Variants in ZMYND8 observed in about 807,000 individuals in gnomAD.
ZMYND8 encodes the protein MYND-type zinc finger-containing chromatin reader ZMYND8.
In ZMYND8, 37 loss-of-function variants were observed where a neutral mutation model predicts 140.8. That is an observed-to-expected ratio of 0.26 (90% confidence interval 0.20 to 0.35). The LOEUF (loss-of-function observed/expected upper bound fraction) is 0.35, where lower values mean the gene tolerates loss of function less well. Among genes scored for constraint, ZMYND8 ranks in the 10% least tolerant of loss-of-function variants. The pLI is 1.00. For missense variants in ZMYND8, 1,068 were observed against 1,570.0 expected (o/e 0.68, Z 5.40); for synonymous variants, 592 against 597.1 (o/e 0.99, Z 0.12).
intron 3 of ZMYND8, among the ~76,000 whole-genome samples, chr20:47,305,924 A>G (rs1290770705): frequency 6.6e-6 from 1 of 152,216 alleles, no homozygotes; most frequent in Non-Finnish European, 1.5e-5. Flanking sequence ...CATATACTAC[A>G]GGACATCCAT....
At chr20:47,243,968 G>C (rs998020767) in intron 14 of ZMYND8, among the ~76,000 whole-genome samples, 13 of 152,188 alleles carry the variant, frequency 8.5e-5, no homozygotes, top group African/African-American at 2.4e-4. Flanking sequence ...GGTCGGGATG[G>C]TTTGATGGCC....
At chr20:47,273,206 G>C (rs554998805) in intron 11 of ZMYND8, among the ~76,000 whole-genome samples, 1 of 152,148 alleles carries the variant, frequency 6.6e-6, no homozygotes, top group African/African-American at 2.4e-5. Flanking sequence ...GCGAAGAAAG[G>C]TATTTTAACA....
chr20:47,325,542 T>C (rs989287326), intron 2 of ZMYND8, among the ~76,000 whole-genome samples: 3 of 152,144 alleles, frequency 2.0e-5, no homozygotes, highest in African/African-American at 7.2e-5. Context: ...AATGGGAGCC[T>C]GGTCACGTCG....
At chr20:47,281,521 C>T (rs569164604) in intron 10 of ZMYND8, among the ~76,000 whole-genome samples, 2 of 152,184 alleles carry the variant, frequency 1.3e-5, no homozygotes, top group Non-Finnish European at 2.9e-5. Context: ...CTCTGCTCTA[C>T]AGGGAACTGC....
At chr20:47,348,282 G>A in intron 1 of ZMYND8, 1 of 309,994 alleles carries the variant, frequency 3.2e-6, no homozygotes, top group South Asian at 3.0e-5. Context: ...AGGGTTCAAA[G>A]GCAGGGAGGT....
chr20:47,240,727 T>C (rs1291380001), intron 14 of ZMYND8, among the ~76,000 whole-genome samples: 1 of 151,032 alleles, frequency 6.6e-6, no homozygotes, highest in Non-Finnish European at 1.5e-5. Flanking sequence ...GCTAATTTTT[T>C]TTATTTTCAG....
rs533383989 is a variant in ZMYND8, at chr20:47,308,663, T to C, written c.234+1393A>G. 5.3e-5 allele frequency among the ~76,000 whole-genome samples: 8 copies of C among 152,330 alleles called. No individual in the cohort carries two copies. In the East Asian group the frequency reaches 9.6e-4, roughly 18 times the overall value. On this transcript the variant is annotated intron_variant, in intron 3 of 22. Transcript: ENST00000471951. ...CTCAATGTTCACAACCCTGTGAAAT[T>C]TGTGGTAGTATCATTATCCCCATTT...
Position 47,310,117 on chromosome 20 carries a change from G to A in ZMYND8, c.173C>T (p.Ser58Leu). The A allele has an allele frequency of 1.9e-6, 3 of 1,614,160 alleles. No homozygotes were observed. The highest frequency in any genetic ancestry group is 2.5e-6 in the Non-Finnish European group (3 of 1,180,046). ...CTTTTTCTTTTTAATGGGGCTTGTTGATGTGTCCTGCGGCGAGTGGCCATT... is the reference window on the plus strand; with the variant it reads ...CTTTTTCTTTTTAATGGGGCTTGTTAATGTGTCCTGCGGCGAGTGGCCATT... The part of the protein sequence containing the change: ...SSNGHSPQDT[S>L]TSPIKKKKKP... Residue 58 changes from serine to leucine, a missense_variant, in exon 3 of 23, where the codon TCA becomes TTA. Physicochemically the swap from Ser to Leu is moderately radical, Grantham distance 145. Coordinates refer to ENST00000471951, the MANE Select transcript of ZMYND8 (RefSeq NM_001281775.3).
intron 3 of ZMYND8, among the ~76,000 whole-genome samples, chr20:47,304,104 A>G (rs1405293282): frequency 6.6e-6 from 1 of 152,170 alleles, no homozygotes; most frequent in Admixed American, 6.5e-5. Flanking sequence ...TCTCCCCTAC[A>G]TGTATAATGT....
rs536000142 is a variant in ZMYND8 at position 47,224,996 on chromosome 20, A to AC, written c.3017-441dup. On this transcript the variant is annotated intron_variant, in intron 18 of 22. Transcript: ENST00000471951. The stretch of plus-strand genomic sequence containing the variant: ...AACTTTATAAATATTAACTCATATA[A>AC]CCCTCATCCTAATAATCCTACGGGG... Among the ~76,000 whole-genome samples the AC allele has an allele frequency of 2.6e-5, 4 of 152,276 alleles. No individual in the cohort carries two copies. The South Asian group carries it at 8.3e-4, about 32-fold the overall frequency.
At chr20:47,297,986 C>T (rs1333061324) in intron 4 of ZMYND8, among the ~76,000 whole-genome samples, 1 of 152,182 alleles carries the variant, frequency 6.6e-6, no homozygotes, top group Admixed American at 6.5e-5. Context: ...CAAATGGCTG[C>T]ATGGCTCACT....
chr20:47,345,593 C>T (rs543409905), intron 2 of ZMYND8, among the ~76,000 whole-genome samples: 1 of 151,728 alleles, frequency 6.6e-6, no homozygotes, highest in Admixed American at 6.6e-5. Context: ...CTGCAACCTC[C>T]GCCTCCTGGG....
chr20:47,240,936 T>C (rs1366234389), intron 14 of ZMYND8, among the ~76,000 whole-genome samples: 4 of 152,144 alleles, frequency 2.6e-5, no homozygotes, highest in Admixed American at 6.5e-5. Flanking sequence ...GCCTCCCGAA[T>C]AGCTGGGACT....
intron 7 of ZMYND8, 55 bp downstream of exon 7, chr20:47,290,132 T>C: frequency 6.6e-7 from 1 of 1,506,330 alleles, no homozygotes; most frequent in Non-Finnish European, 9.0e-7. Context: ...AGGACAGGAA[T>C]TTGTGCAACA....
chr20:47,303,050 A>G (rs2078190284), intron 3 of ZMYND8, among the ~76,000 whole-genome samples: 1 of 152,302 alleles, frequency 6.6e-6, no homozygotes, highest in Admixed American at 6.5e-5. Context: ...AAACGTCTCC[A>G]GACTTTGCCC....
At chr20:47,219,138 A>ACCTCC (rs565476551) in intron 21 of ZMYND8, among the ~76,000 whole-genome samples, 182 of 145,910 alleles carry the variant, frequency 1.2e-3, no homozygotes, top group African/African-American at 4.3e-3. Flanking sequence ...ACTCACTGCA[A>ACCTCC]CCTCCACCTC....
chr20:47,276,444 C>G lies in ZMYND8; in HGVS notation c.1350G>C (p.Pro450=). 1 of 1,614,142 alleles carries G rather than the reference C, an allele frequency of 6.2e-7. No homozygotes were observed. Among genetic ancestry groups the G allele is most frequent in the Non-Finnish European group, 8.5e-7 (1 of 1,180,024 alleles). Residue 450 remains proline, a synonymous_variant, in exon 11 of 23, where the codon CCG becomes CCC. Transcript: ENST00000471951. Reference sequence around the variant, plus strand: ...AAGAGTTTGTGCTCATGGGGGAGCGCGGCATATCCGACAAGGAAATCCGGC... The same window carrying G: ...AAGAGTTTGTGCTCATGGGGGAGCGGGGCATATCCGACAAGGAAATCCGGC... ...TGRRISLSDM[P]RSPMSTNSSV...
At chr20:47,291,628 C>T (rs759016075) in intron 6 of ZMYND8, among the ~76,000 whole-genome samples, 168 bp downstream of exon 6, 4 of 152,134 alleles carry the variant, frequency 2.6e-5, no homozygotes, top group South Asian at 2.1e-4. Flanking sequence ...AAAGGAAAGA[C>T]GTTAGAGAAT....
chr20:47,287,426 T>G, intron 7 of ZMYND8, 142 bp from the exon 8 acceptor site: 3 of 689,814 alleles, frequency 4.3e-6, no homozygotes, highest in Non-Finnish European at 7.6e-6. Context: ...GGTTCCTGGC[T>G]TCTAATAGTA....
Sources: allele counts gnomAD v4.1 joint callset (sites outside exome capture counted in the v4.1 genomes callset), GRCh38; gene constraint gnomAD v4.1.1; transcripts MANE v1.5; gene names NCBI Gene and HGNC (gene_info 2026-07-23, HGNC 2026-07-21).